The following MCF2 variants were observed in gnomAD, a reference collection of about 807,000 sequenced individuals.
MCF2 encodes the protein MCF.2 cell line derived transforming sequence.
Under a neutral mutation model 82.5 loss-of-function variants are expected in MCF2, and 44 were observed. That is an observed-to-expected ratio of 0.53 (90% CI 0.42 to 0.69). MCF2 has a LOEUF of 0.69. Among genes scored for constraint, MCF2 ranks in the 30% least tolerant of loss-of-function variants. MCF2 has a pLI of 0.00. For synonymous variants in MCF2, 217 were observed against 224.9 expected, an observed-to-expected ratio of 0.96 and a Z score of 0.32; for missense variants, 623 against 663.1, an observed-to-expected ratio of 0.94 and a Z score of 0.66.
At chrX:139,701,408 T>C (rs1255884319) in intron 1 of MCF2, among the ~76,000 whole-genome samples, 1 of 112,204 alleles carries the variant, frequency 8.9e-6, no homozygotes, top group Non-Finnish European at 1.9e-5. Context: ...TACAGTCAGT[T>C]GACTTTAAAC....
At chrX:139,657,734 T>A (rs1297005040) in intron 1 of MCF2, among the ~76,000 whole-genome samples, 1 of 112,099 alleles carries the variant, frequency 8.9e-6, no homozygotes, top group Non-Finnish European at 1.9e-5. Context: ...TCAAACCTAT[T>A]GATCAGGTTT....
intron 1 of MCF2, among the ~76,000 whole-genome samples, chrX:139,694,280 T>C (rs1935336636): frequency 9.0e-6 from 1 of 110,954 alleles, no homozygotes; most frequent in Non-Finnish European, 1.9e-5. Flanking sequence ...AGAAAAAATT[T>C]AAACTTCTGT....
Position 139,589,837 on chromosome X carries a change from G to A in MCF2, c.2368C>T (p.Gln790Ter). 1 of 1,184,160 alleles carries A rather than the reference G, an allele frequency of 8.4e-7. No individual in the cohort carries two copies. Among genetic ancestry groups the A allele is most frequent in the Non-Finnish European group, 1.1e-6 (1 of 878,916 alleles). ...AGAAGAATTTTCAAATGACCAACCT[G>A]GACAATATAAACTTCTTCCTTTTCA... Residue 790 changes from glutamine (Q) to a stop codon, truncating the protein, a stop_gained and splice_region_variant, in exon 20 of 25, where the codon CAG (glutamine) becomes TAG (stop). Coordinates refer to ENST00000370576, the Ensembl canonical transcript of MCF2. LOFTEE classifies it high-confidence loss of function.
chrX:139,617,798 CAAG>C (rs1932035351), intron 7 of MCF2, 94 bp from the exon 11 acceptor site: 1 of 480,776 alleles, frequency 2.1e-6, no homozygotes, highest in Non-Finnish European at 3.1e-6. Flanking sequence ...AATGTTTGAG[CAAG>C]AAGGATACAT....
intron 16 of MCF2, among the ~76,000 whole-genome samples, chrX:139,601,668 G>A (rs1405576622): frequency 1.8e-5 from 2 of 111,295 alleles, no homozygotes; most frequent in African/African-American, 6.5e-5. Context: ...GGAATGAGGA[G>A]AGCCTATGCA....
At chrX:139,582,775 GA>G (rs891312816) in intron 24 of MCF2, among the ~76,000 whole-genome samples, 6 of 109,512 alleles carry the variant, frequency 5.5e-5, no homozygotes, top group East Asian at 5.7e-4. Flanking sequence ...ACCATAGCTA[GA>G]AAAAAAAATG....
In MCF2 at chrX:139,657,530, A is replaced by C. The variant is rs1193140586; in HGVS notation, c.-44-5742T>G. Among the ~76,000 whole-genome samples, 7 of 112,408 alleles carry C rather than the reference A, an allele frequency of 6.2e-5. No individual in the cohort carries two copies. In the Admixed American group the frequency reaches 6.6e-4, roughly 11 times the overall value. ...TTGCATTCATTCACTTTTTAAACAA[A>C]TATTTATTGAGTGTCTACTATATGC... On this transcript the variant is annotated intron_variant, in intron 1 of 27. Coordinates refer to the MCF2 transcript ENST00000414978.
intron 1 of MCF2, among the ~76,000 whole-genome samples, chrX:139,661,816 T>C (rs1406074092): frequency 8.9e-6 from 1 of 111,818 alleles, no homozygotes; most frequent in African/African-American, 3.3e-5. Flanking sequence ...ATTCCAGTCT[T>C]TTTATAACCG....
chrX:139,612,270 G>T (rs754681047), intron 10 of MCF2, among the ~76,000 whole-genome samples: 11 of 110,470 alleles, frequency 1.0e-4, no homozygotes, highest in African/African-American at 3.3e-4. Flanking sequence ...CAGGAGAGAT[G>T]AGTTAATCTG....
intron 20 of MCF2, among the ~76,000 whole-genome samples, 197 bp downstream of exon 24, chrX:139,589,638 A>G (rs1929318232): frequency 8.9e-6 from 1 of 112,104 alleles, no homozygotes; most frequent in African/African-American, 3.2e-5. Context: ...GCCCTAGAGA[A>G]CACCACAGGC....
chrX:139,584,610 T>A (rs1472687944), intron 24 of MCF2, among the ~76,000 whole-genome samples: 7 of 112,174 alleles, frequency 6.2e-5, no homozygotes, highest in African/African-American at 2.3e-4. Flanking sequence ...ATATCATTAG[T>A]GTATTTTTGA....
At chrX:139,653,073 T>C (rs1371625898) in intron 1 of MCF2, among the ~76,000 whole-genome samples, 2 of 112,087 alleles carry the variant, frequency 1.8e-5, no homozygotes, top group Non-Finnish European at 3.8e-5. Context: ...ATTTTATATA[T>C]TTAGACTCGA....
At chrX:139,658,692 T>TTTTTTTTTTA (rs1491573126) in intron 1 of MCF2, among the ~76,000 whole-genome samples, 1 of 97,116 alleles carries the variant, frequency 1.0e-5, no homozygotes, top group African/African-American at 4.0e-5. Context: ...TTTTTTTTTT[T>TTTTTTTTTTA]GAGACAAGGT....
chrX:139,631,590 A>G (rs767510551), intron 2 of MCF2, 79 bp from the exon 6 acceptor site: 338 of 601,630 alleles, frequency 5.6e-4, no homozygotes, highest in Non-Finnish European at 6.7e-4. Flanking sequence ...GAACTTTGGC[A>G]TACATTTAGC....
chrX:139,668,312 G>T (rs1283809783), intron 1 of MCF2, among the ~76,000 whole-genome samples: 2 of 111,815 alleles, frequency 1.8e-5, no homozygotes, highest in African/African-American at 6.5e-5. Flanking sequence ...TGTGCAGTCT[G>T]TTAAAGGCTA....
intron 1 of MCF2, among the ~76,000 whole-genome samples, chrX:139,638,399 AG>A (rs978778170): frequency 9.0e-6 from 1 of 111,516 alleles, no homozygotes; most frequent in Non-Finnish European, 1.9e-5. Flanking sequence ...AATGTGAAGT[AG>A]GCTTAATTAA....
At chrX:139,582,093 T>A in exon 25 of MCF2, 1 of 229,718 alleles carries the variant, frequency 4.4e-6, no homozygotes, top group African/African-American at 2.9e-5. Flanking sequence ...ATGTTGTGCT[T>A]TACTTGACCT....
At chrX:139,600,454 A>T (rs1165765834) in intron 16 of MCF2, among the ~76,000 whole-genome samples, 3 of 111,220 alleles carry the variant, frequency 2.7e-5, no homozygotes, top group Non-Finnish European at 1.9e-5. Flanking sequence ...AGTAAAACAC[A>T]GGCCCTATGG....
intron 4 of MCF2, among the ~76,000 whole-genome samples, chrX:139,627,689 A>G (rs1049812540): frequency 5.4e-5 from 6 of 111,973 alleles, no homozygotes; most frequent in Non-Finnish European, 1.1e-4. Flanking sequence ...GAACATTGTT[A>G]TACATAGATC....
Sources: allele counts gnomAD v4.1 joint callset (sites outside exome capture counted in the v4.1 genomes callset), GRCh38; gene constraint gnomAD v4.1.1; transcripts MANE v1.5; gene names NCBI Gene and HGNC (gene_info 2026-07-23, HGNC 2026-07-21).